Variants in TMEM132D observed in about 807,000 individuals in gnomAD.
TMEM132D encodes transmembrane protein 132D.
TMEM132D carries 21 observed loss-of-function variants against 62.3 expected under a neutral mutation model. The observed-to-expected ratio is 0.34, with a 90% confidence interval of 0.24 to 0.49. The LOEUF (loss-of-function observed/expected upper bound fraction) is 0.49. Among genes scored for constraint, TMEM132D ranks in the 20% least tolerant of loss-of-function variants. The probability of loss-of-function intolerance (pLI) is 0.99; values close to 1 mark genes in which losing one functional copy is unlikely to be tolerated. For missense variants in TMEM132D, 1,346 were observed against 1,402.8 expected, an observed-to-expected ratio of 0.96 and a Z score of 0.65; for synonymous variants, 621 against 575.6, an observed-to-expected ratio of 1.08 and a Z score of -1.13.
rs1257449039 is a variant in TMEM132D, at chr12:129,078,812, G to A, written c.1924-87C>T. 4.2e-6 allele frequency: 6 copies of A among 1,412,398 alleles called. No individual in the cohort carries two copies. In the African/African-American group the frequency reaches 5.6e-5, roughly 13 times the overall value. 87.5% of individuals were successfully genotyped at this position (1,412,398 alleles called of 1,614,324 possible). Reference sequence around the variant, plus strand: ...CACAGGAGGAAGTGCCAGTGTGCAGGCAGCGGCAGGGCAACATGTGAGCCA... The same window carrying A: ...CACAGGAGGAAGTGCCAGTGTGCAGACAGCGGCAGGGCAACATGTGAGCCA... On this transcript the variant is annotated intron_variant, in intron 7 of 8. Transcript: ENST00000422113.
chr12:129,788,896 G>A (rs986542717), intron 1 of TMEM132D, among the ~76,000 whole-genome samples: 1 of 152,098 alleles, frequency 6.6e-6, no homozygotes, highest in African/African-American at 2.4e-5. Context: ...TGGCATGTGT[G>A]GGGAACAGGG....
At chr12:129,685,813 G>A (rs1444322166) in intron 2 of TMEM132D, among the ~76,000 whole-genome samples, 1 of 152,184 alleles carries the variant, frequency 6.6e-6, no homozygotes, top group East Asian at 1.9e-4. Context: ...GGCCATAGGA[G>A]CCCACCTCTT....
intron 2 of TMEM132D, among the ~76,000 whole-genome samples, chr12:129,552,306 A>T (rs184632558): frequency 6.6e-6 from 1 of 152,156 alleles, no homozygotes; most frequent in Non-Finnish European, 1.5e-5. Flanking sequence ...ATTATCTATC[A>T]TCAATCCATT....
intron 2 of TMEM132D, among the ~76,000 whole-genome samples, chr12:129,570,854 G>T (rs977216137): frequency 1.3e-5 from 2 of 152,118 alleles, no homozygotes; most frequent in Non-Finnish European, 2.9e-5. Flanking sequence ...CATGAAACTG[G>T]ACCAATCACT....
chr12:129,622,641 C>T (rs1025416490), intron 2 of TMEM132D, among the ~76,000 whole-genome samples: 1 of 152,270 alleles, frequency 6.6e-6, no homozygotes, highest in Non-Finnish European at 1.5e-5. Context: ...TTATACAAGC[C>T]GGAGCTCTTT....
intron 2 of TMEM132D, among the ~76,000 whole-genome samples, chr12:129,578,613 TACA>T (rs1877752156): frequency 6.6e-6 from 1 of 152,192 alleles, no homozygotes; most frequent in East Asian, 1.9e-4. Context: ...TGGAGGCTGT[TACA>T]TCCTACAATC....
At position 129,803,543 on chromosome 12, in the gene TMEM132D, T is replaced by C. The variant is rs1340712222; in HGVS notation, c.79+99718A>G. 2.7e-5 allele frequency among the ~76,000 whole-genome samples: 4 copies of C among 149,838 alleles called. No individual in the cohort carries two copies. The East Asian group carries it at 7.9e-4, about 29-fold the overall frequency. ...TCTCTGGGACACATTCAAAGCAGTGTGTAGAGGGAAATTTATAGCACTAAA... is the reference window on the plus strand; with the variant it reads ...TCTCTGGGACACATTCAAAGCAGTGCGTAGAGGGAAATTTATAGCACTAAA... On this transcript the variant is annotated intron_variant, in intron 1 of 8. Coordinates refer to ENST00000422113, the MANE Select transcript of TMEM132D (RefSeq NM_133448.3).
intron 3 of TMEM132D, among the ~76,000 whole-genome samples, chr12:129,490,418 CTTTCCTTTTTTT>C (rs1378363528): frequency 3.5e-5 from 4 of 113,074 alleles, no homozygotes; most frequent in African/African-American, 1.7e-4. Flanking sequence ...TCATAATTTC[CTTTCCTTTTTTT>C]TTTTTTTTTT....
intron 1 of TMEM132D, among the ~76,000 whole-genome samples, chr12:129,752,322 T>C (rs1870026385): frequency 6.6e-6 from 1 of 152,216 alleles, no homozygotes; most frequent in Admixed American, 6.5e-5. Flanking sequence ...TCCAAGAGTG[T>C]GAGACTTAAG....
In TMEM132D at chr12:129,700,470, T is replaced by A. The variant is rs764450706; in HGVS notation, c.308A>T (p.Glu103Val). 1 of 1,614,068 alleles carries A rather than the reference T, an allele frequency of 6.2e-7. No individual in the cohort carries two copies. The change falls in exon 2 of 9, where the codon GAG becomes GTG. Residue 103 changes from glutamate (E) to valine (V), a missense_variant. Coordinates refer to ENST00000422113, the MANE Select transcript of TMEM132D (RefSeq NM_133448.3). ...CATTAAATCCTGGGGCACCACTTGC[T>A]CGATGGAGAAAGGCCCGTAGCTGGC... ...LNASYGPFSI[E>V]QVVPQDLMLP...
At chr12:129,816,949 G>A (rs1439069687) in intron 1 of TMEM132D, among the ~76,000 whole-genome samples, 1 of 152,162 alleles carries the variant, frequency 6.6e-6, no homozygotes, top group African/African-American at 2.4e-5. Context: ...CAAATAATGA[G>A]TCAGCTCTTA....
intron 4 of TMEM132D, among the ~76,000 whole-genome samples, chr12:129,299,272 C>T (rs906401136): frequency 6.6e-6 from 1 of 152,148 alleles, no homozygotes; most frequent in Admixed American, 6.5e-5. Flanking sequence ...GGCAACCATA[C>T]AGGGAAATCC....
intron 2 of TMEM132D, among the ~76,000 whole-genome samples, chr12:129,577,317 C>A (rs1356729850): frequency 6.6e-6 from 1 of 151,536 alleles, no homozygotes; most frequent in Admixed American, 6.6e-5. Context: ...GTGTATGCTG[C>A]AGTTAACTTT....
chr12:129,628,432 A>G (rs1263434969), intron 2 of TMEM132D, among the ~76,000 whole-genome samples: 1 of 152,148 alleles, frequency 6.6e-6, no homozygotes, highest in Non-Finnish European at 1.5e-5. Context: ...GCAGGGGCGG[A>G]GGTGTCTGTA....
chr12:129,670,660 G>T (rs1296247677), intron 2 of TMEM132D, among the ~76,000 whole-genome samples: 1 of 152,080 alleles, frequency 6.6e-6, no homozygotes, highest in Non-Finnish European at 1.5e-5. Flanking sequence ...TAAAACTCTG[G>T]TCTCCCACAG....
intron 5 of TMEM132D, among the ~76,000 whole-genome samples, chr12:129,209,130 C>T (rs1252124186): frequency 2.6e-5 from 4 of 152,118 alleles, no homozygotes; most frequent in African/African-American, 7.2e-5. Flanking sequence ...AGAATCATCC[C>T]GGAGTGTGGC....
At chr12:129,582,374 C>T (rs767510326) in intron 2 of TMEM132D, among the ~76,000 whole-genome samples, 1 of 152,158 alleles carries the variant, frequency 6.6e-6, no homozygotes, top group Non-Finnish European at 1.5e-5. Flanking sequence ...TACTTACCCC[C>T]CAGAGATGGG....
At position 129,699,990 on chromosome 12, in the gene TMEM132D, G is replaced by T. The variant is rs867202541; in HGVS notation, c.788C>A (p.Pro263His). The T allele has an allele frequency of 1.9e-6, 3 of 1,614,050 alleles. No homozygotes were observed. The highest frequency in any genetic ancestry group is 2.2e-5 in the South Asian group (2 of 91,088). The change falls in exon 2 of 9, where the codon CCC becomes CAC. Residue 263 changes from proline (P) to histidine (H), a missense_variant. Coordinates refer to ENST00000422113, the MANE Select transcript of TMEM132D (RefSeq NM_133448.3). ...GAAGATGCTCCCGATCCTCTGCAAG[G>T]GGGGCCCGGACTCATCGATGTCACT... is the stretch of plus-strand genomic sequence containing the variant. ...GHSDIDESGP[P>H]LQRIGSIFLY...
intron 3 of TMEM132D, among the ~76,000 whole-genome samples, chr12:129,389,149 T>C (rs1315437364): frequency 6.6e-6 from 1 of 151,342 alleles, no homozygotes; most frequent in African/African-American, 2.4e-5. Flanking sequence ...AATCCTAATA[T>C]AAACACTAAC....
Sources: gnomAD v4.1 joint callset for allele counts (sites outside exome capture counted in the v4.1 genomes callset) on GRCh38, gnomAD v4.1.1 for gene constraint, MANE v1.5 for transcripts, NCBI Gene and HGNC (gene_info 2026-07-23, HGNC 2026-07-21) for gene names.